ITPK1: variants seen among roughly 807,000 people sequenced by gnomAD.
The protein encoded by ITPK1 is inositol-tetrakisphosphate 1-kinase.
In ITPK1, 21 loss-of-function variants were observed where a neutral mutation model predicts 45.3. The ratio of observed to expected loss-of-function variants is 0.46; its 90% confidence interval spans 0.33 to 0.67. The LOEUF (loss-of-function observed/expected upper bound fraction) is 0.67, where lower values mean the gene tolerates loss of function less well. Among genes scored for constraint, ITPK1 ranks in the 30% least tolerant of loss-of-function variants. The pLI is 0.02. For synonymous variants in ITPK1, 258 were observed against 253.6 expected, an observed-to-expected ratio of 1.02 and a Z score of -0.16; for missense variants, 474 against 573.5, an observed-to-expected ratio of 0.83 and a Z score of 1.77.
At chr14:92,948,904 G>A (rs553501719) in intron 9 of ITPK1, among the ~76,000 whole-genome samples, 1 of 149,076 alleles carries the variant, frequency 6.7e-6, no homozygotes, top group South Asian at 2.1e-4. Context: ...CGCTCTGAGG[G>A]ACCCACGCCT....
chr14:93,112,186 C>T (rs1892780997), intron 2 of ITPK1, among the ~76,000 whole-genome samples: 1 of 152,238 alleles, frequency 6.6e-6, no homozygotes, highest in African/African-American at 2.4e-5. Flanking sequence ...GATGCCCAAT[C>T]AGAAAGGCAA....
intron 3 of ITPK1, among the ~76,000 whole-genome samples, chr14:93,061,189 T>A (rs1018865325): frequency 1.3e-5 from 2 of 152,266 alleles, no homozygotes; most frequent in African/African-American, 4.8e-5. Context: ...AGCTGCAGAT[T>A]CCTCAACACA....
intron 4 of ITPK1, among the ~76,000 whole-genome samples, chr14:92,998,113 C>A (rs1222462096): frequency 6.6e-6 from 1 of 152,224 alleles, no homozygotes. Context: ...GGAGTTAACC[C>A]TCTGAGACTC....
At chr14:93,100,777 T>G (rs188493476) in intron 2 of ITPK1, among the ~76,000 whole-genome samples, 1 of 152,258 alleles carries the variant, frequency 6.6e-6, no homozygotes, top group East Asian at 1.9e-4. Context: ...CTCAGATCAT[T>G]AGCTGACGAG....
At chr14:93,042,777 G>A (rs1370528597) in intron 3 of ITPK1, among the ~76,000 whole-genome samples, 1 of 152,148 alleles carries the variant, frequency 6.6e-6, no homozygotes, top group Non-Finnish European at 1.5e-5. Flanking sequence ...CAGCACTTTG[G>A]GAGGCCAAGG....
rs573599711 is a variant in ITPK1 at position 92,941,102 on chromosome 14, T to A, written c.*459A>T. ...AACAAGGAAGGGGCAGGTCAGGGAG[T>A]GGGGAGTCAGGCAGAAGGGAAGCCA... On this transcript the variant is annotated 3_prime_UTR_variant, in exon 11 of 11. Transcript: ENST00000267615. The A allele has an allele frequency of 6.9e-5, 83 of 1,200,034 alleles. 1 individual carries two copies. In the South Asian group the frequency reaches 1.2e-3, roughly 17 times the overall value. 74.3% of individuals were successfully genotyped at this position (1,200,034 alleles called of 1,614,324 possible).
intron 3 of ITPK1, among the ~76,000 whole-genome samples, chr14:93,053,082 C>A (rs1890084171): frequency 1.3e-5 from 2 of 151,664 alleles, no homozygotes; most frequent in African/African-American, 4.9e-5. Context: ...ACATATGTAA[C>A]AAACCTGCAT....
chr14:93,097,171 C>CT (rs1892112471), intron 2 of ITPK1, among the ~76,000 whole-genome samples: 1 of 152,250 alleles, frequency 6.6e-6, no homozygotes, highest in Non-Finnish European at 1.5e-5. Context: ...ATCACACACT[C>CT]TGTGTGCAGA....
intron 3 of ITPK1, among the ~76,000 whole-genome samples, chr14:93,039,061 A>T (rs1030013835): frequency 6.6e-6 from 1 of 152,042 alleles, no homozygotes; most frequent in Non-Finnish European, 1.5e-5. Flanking sequence ...ACCACCGCCG[A>T]CCTTGCTGCC....
At chr14:93,044,699 C>T (rs1263599428) in intron 3 of ITPK1, among the ~76,000 whole-genome samples, 1 of 152,012 alleles carries the variant, frequency 6.6e-6, no homozygotes, top group Non-Finnish European at 1.5e-5. Flanking sequence ...GGACAGTGGC[C>T]CAGCGGACAG....
intron 2 of ITPK1, among the ~76,000 whole-genome samples, chr14:93,103,554 T>C (rs963754088): frequency 6.6e-6 from 1 of 152,128 alleles, no homozygotes; most frequent in Admixed American, 6.5e-5. Context: ...ACCCTGGGGC[T>C]CCAGGAGACT....
At chr14:93,109,117 T>C (rs1892640551) in intron 2 of ITPK1, among the ~76,000 whole-genome samples, 1 of 152,216 alleles carries the variant, frequency 6.6e-6, no homozygotes, top group East Asian at 1.9e-4. Context: ...GGTATTGTCA[T>C]GCTGCCCATA....
At position 93,034,785 on chromosome 14, in the gene ITPK1, G is replaced by A. The variant is rs114358512; in HGVS notation, c.121-17984C>T. On this transcript the variant is annotated intron_variant, in intron 3 of 10. Transcript: ENST00000267615. The surrounding 1 kb of genome is among the most constrained non-coding windows in gnomAD (Gnocchi z 4.1). ...AGGCTGGCATGGCCCCAGCACACAC[G>A]GGCAGTGGGCAGTGGGCAGTGCCAG... is the stretch of plus-strand genomic sequence containing the variant. Among the ~76,000 whole-genome samples the A allele has an allele frequency of 0.019, 2,831 of 152,312 alleles. 76 individuals carry two copies. The highest frequency in any genetic ancestry group is 0.064 in the African/African-American group (2,649 of 41,566).
intron 3 of ITPK1, among the ~76,000 whole-genome samples, chr14:93,072,333 TAATA>T (rs1051146386): frequency 2.0e-5 from 3 of 151,650 alleles, no homozygotes; most frequent in African/African-American, 7.3e-5. Context: ...AAGTAAAATT[TAATA>T]AATAAATCTT....
intron 3 of ITPK1, among the ~76,000 whole-genome samples, chr14:93,059,883 T>G (rs1004088747): frequency 2.4e-3 from 26 of 10,616 alleles, no homozygotes; most frequent in Non-Finnish European, 2.8e-3. Context: ...GAGGCAGGGG[T>G]GGAGGGGGTG....
chr14:92,951,905 A>G (rs1380795795), intron 9 of ITPK1, 41 bp downstream of exon 9: 3 of 1,488,962 alleles, frequency 2.0e-6, no homozygotes, highest in Admixed American at 1.9e-5. Flanking sequence ...GGCCCACGGG[A>G]GGGCAGTTTC....
intron 7 of ITPK1, among the ~76,000 whole-genome samples, chr14:92,960,605 G>A (rs1885018314): frequency 6.6e-6 from 1 of 152,258 alleles, no homozygotes; most frequent in Non-Finnish European, 1.5e-5. Flanking sequence ...TCGCAGAAGT[G>A]GCTCCCTCCT....
intron 3 of ITPK1, among the ~76,000 whole-genome samples, chr14:93,030,686 G>A (rs543879445): frequency 3.9e-5 from 6 of 152,244 alleles, no homozygotes; most frequent in South Asian, 2.1e-4. Flanking sequence ...GGGGGCACTC[G>A]TCAGAGAAGG....
intron 7 of ITPK1, among the ~76,000 whole-genome samples, chr14:92,960,455 C>T (rs374277394): frequency 1.3e-5 from 2 of 152,188 alleles, no homozygotes; most frequent in South Asian, 2.1e-4. Flanking sequence ...TCACAGAAGC[C>T]GCTAACGTCT....
Sources: gnomAD v4.1 joint callset for allele counts (sites outside exome capture counted in the v4.1 genomes callset) on GRCh38, gnomAD v4.1.1 for gene constraint, Gnocchi (gnomAD v3.1) non-coding constraint, MANE v1.5 for transcripts, NCBI Gene and HGNC (gene_info 2026-07-23, HGNC 2026-07-21) for gene names.